The following ZMAT4 variants were observed in gnomAD, a reference collection of about 807,000 sequenced individuals.
The protein encoded by ZMAT4 is zinc finger matrin-type 4.
ZMAT4 carries 17 observed loss-of-function variants against 28.7 expected under a neutral mutation model. The ratio of observed to expected loss-of-function variants is 0.59; its 90% CI spans 0.41 to 0.89. The LOEUF is 0.89. ZMAT4 is among the 40% of genes least tolerant of loss of function. The pLI, the probability that ZMAT4 is intolerant of heterozygous loss-of-function variation, is 0.00. For missense variants in ZMAT4, 240 were observed against 283.8 expected (o/e 0.85, Z 1.11); for synonymous variants, 117 against 109.2 (o/e 1.07, Z -0.44).
At chr8:40,617,596 A>T (rs899997708) in intron 5 of ZMAT4, among the ~76,000 whole-genome samples, 5 of 152,206 alleles carry the variant, frequency 3.3e-5, no homozygotes, top group African/African-American at 1.2e-4. Context: ...TGAAATAGAA[A>T]ATTATGGATC....
chr8:40,674,948 CCA>C lies in ZMAT4; in HGVS notation c.350-19_350-18del. 1 of 1,602,746 alleles carries C rather than the reference CCA, an allele frequency of 6.2e-7. No individual in the cohort carries two copies. The highest frequency in any genetic ancestry group is 2.2e-5 in the East Asian group (1 of 44,758). ...GGGGTGTTGCTGTGAAAGGAAACAA[CCA>C]GAGAACCACAGCCACGTTAGTCCAA... is the stretch of plus-strand genomic sequence containing the variant. On this transcript the variant is annotated intron_variant, in intron 4 of 6. Transcript: ENST00000297737.
At chr8:40,651,359 G>A (rs1019130363) in intron 5 of ZMAT4, among the ~76,000 whole-genome samples, 1 of 152,072 alleles carries the variant, frequency 6.6e-6, no homozygotes. Flanking sequence ...ACCTAGGAAT[G>A]CAACTTACAA....
intron 5 of ZMAT4, among the ~76,000 whole-genome samples, chr8:40,646,368 G>A (rs1313770868): frequency 6.6e-6 from 1 of 150,936 alleles, no homozygotes; most frequent in Non-Finnish European, 1.5e-5. Context: ...GTTTCTCTAA[G>A]TATTATTGTA....
At chr8:40,703,581 G>T (rs1324589136) in intron 3 of ZMAT4, among the ~76,000 whole-genome samples, 3 of 152,324 alleles carry the variant, frequency 2.0e-5, no homozygotes, top group East Asian at 3.9e-4. Context: ...AGAGGGCAGT[G>T]GGGGAGCAGG....
intron 1 of ZMAT4, among the ~76,000 whole-genome samples, chr8:40,877,974 C>T (rs1426208170): frequency 2.0e-5 from 3 of 152,222 alleles, no homozygotes; most frequent in Non-Finnish European, 4.4e-5. Context: ...TCATAATTTA[C>T]ATTTGCTAAA....
chr8:40,722,240 C>A (rs1158041949), intron 3 of ZMAT4, among the ~76,000 whole-genome samples: 1 of 152,044 alleles, frequency 6.6e-6, no homozygotes, highest in African/African-American at 2.4e-5. Flanking sequence ...AACAGGCAAC[C>A]TACAAAATGG....
intron 5 of ZMAT4, among the ~76,000 whole-genome samples, chr8:40,650,934 A>G (rs1807613317): frequency 6.6e-6 from 1 of 151,808 alleles, no homozygotes. Context: ...TCTCAAAATA[A>G]TAAGAGCTAT....
intron 2 of ZMAT4, among the ~76,000 whole-genome samples, chr8:40,802,309 A>T (rs1016592423): frequency 2.6e-5 from 4 of 152,208 alleles, no homozygotes; most frequent in African/African-American, 9.6e-5. Flanking sequence ...AAATGACATG[A>T]TTGTTTTTAT....
chr8:40,732,812 G>T (rs1811597034), intron 3 of ZMAT4, among the ~76,000 whole-genome samples: 1 of 144,466 alleles, frequency 6.9e-6, no homozygotes, highest in Non-Finnish European at 1.5e-5. Flanking sequence ...ACATCTGGCA[G>T]ACCTGGGCTG....
At chr8:40,719,527 A>C (rs1251052515) in intron 3 of ZMAT4, among the ~76,000 whole-genome samples, 1 of 152,130 alleles carries the variant, frequency 6.6e-6, no homozygotes, top group Admixed American at 6.6e-5. Flanking sequence ...AGCAACAGTG[A>C]CTGACAGGCA....
intron 1 of ZMAT4, among the ~76,000 whole-genome samples, chr8:40,884,042 G>A (rs1232526174): frequency 2.6e-5 from 4 of 152,150 alleles, no homozygotes; most frequent in African/African-American, 9.7e-5. Flanking sequence ...GTCATTGTCT[G>A]GCATCCCTCT....
chr8:40,822,314 A>C (rs1465824415), intron 2 of ZMAT4, among the ~76,000 whole-genome samples: 5 of 152,254 alleles, frequency 3.3e-5, no homozygotes, highest in Non-Finnish European at 1.5e-5. Context: ...CTGGATATAC[A>C]GAAAATACGC....
intron 1 of ZMAT4, among the ~76,000 whole-genome samples, chr8:40,830,533 G>A (rs912870145): frequency 3.3e-5 from 5 of 152,106 alleles, no homozygotes; most frequent in Non-Finnish European, 7.4e-5. Flanking sequence ...TGGTTGTGTG[G>A]TATTCCATGG....
intron 5 of ZMAT4, among the ~76,000 whole-genome samples, chr8:40,673,445 T>C (rs6994357): frequency 0.15 from 23,030 of 152,130 alleles, 1,879 homozygotes; most frequent in African/African-American, 0.22. Context: ...CTGTTTAAAC[T>C]GAGGTTGCCG....
chr8:40,616,461 C>T (rs1319889802), intron 5 of ZMAT4, among the ~76,000 whole-genome samples: 8 of 152,084 alleles, frequency 5.3e-5, no homozygotes, highest in Non-Finnish European at 8.8e-5. Context: ...GCACTATTTA[C>T]AATAGCAAAG....
At chr8:40,715,531 T>C (rs1339834632) in intron 3 of ZMAT4, among the ~76,000 whole-genome samples, 2 of 152,262 alleles carry the variant, frequency 1.3e-5, no homozygotes, top group Admixed American at 6.5e-5. Context: ...TTGTCCTTTA[T>C]GAATTGTCTA....
At chr8:40,659,647 A>C (rs1383615610) in intron 5 of ZMAT4, among the ~76,000 whole-genome samples, 1 of 152,174 alleles carries the variant, frequency 6.6e-6, no homozygotes. Flanking sequence ...CGAAGTTCAC[A>C]GACTCACAAT....
intron 1 of ZMAT4, among the ~76,000 whole-genome samples, chr8:40,862,530 C>T (rs1726550459): frequency 7.1e-6 from 1 of 141,204 alleles, no homozygotes; most frequent in Admixed American, 7.5e-5. Context: ...TGTAACTAAC[C>T]TGCACAATGT....
At chr8:40,657,403 T>C (rs1807975015) in intron 5 of ZMAT4, among the ~76,000 whole-genome samples, 1 of 152,172 alleles carries the variant, frequency 6.6e-6, no homozygotes, top group African/African-American at 2.4e-5. Context: ...TTTAAAAATG[T>C]CATTATTACA....
Sources: gnomAD v4.1 joint callset for allele counts (sites outside exome capture counted in the v4.1 genomes callset) on GRCh38, gnomAD v4.1.1 for gene constraint, MANE v1.5 for transcripts, NCBI Gene and HGNC (gene_info 2026-07-23, HGNC 2026-07-21) for gene names.